The following SERPINB8 variants were observed in gnomAD, a reference collection of about 807,000 sequenced individuals.
The protein encoded by SERPINB8 is serpin B8.
SERPINB8 carries 25 observed loss-of-function variants against 35.3 expected under a neutral mutation model. The observed-to-expected ratio is 0.71, with a 90% CI of 0.52 to 0.99. The LOEUF is 0.99. Among genes scored for constraint, SERPINB8 ranks in the 50% least tolerant of loss-of-function variants. The pLI is 0.00. For missense variants in SERPINB8, 484 were observed against 446.5 expected (o/e 1.08, Z -0.76); for synonymous variants, 186 against 160.8 (o/e 1.16, Z -1.19).
At chr18:64,003,888 A>G (rs1366569132) in intron 1 of SERPINB8, among the ~76,000 whole-genome samples, 2 of 152,190 alleles carry the variant, frequency 1.3e-5, no homozygotes, top group Non-Finnish European at 2.9e-5. Context: ...CTCACCCAGA[A>G]ACACCCTCAC....
chr18:64,017,673 G>A (rs1416504696), intron 7 of SERPINB8, among the ~76,000 whole-genome samples: 1 of 152,086 alleles, frequency 6.6e-6, no homozygotes, highest in Admixed American at 6.6e-5. Flanking sequence ...CACCTAATAA[G>A]GAGCAAAGAA....
intron 7 of SERPINB8, among the ~76,000 whole-genome samples, chr18:64,017,108 A>G (rs1021328679): frequency 6.6e-6 from 1 of 152,074 alleles, no homozygotes; most frequent in Non-Finnish European, 1.5e-5. Flanking sequence ...TCCTGAACCT[A>G]TTCTTTAAAT....
At chr18:63,975,586 C>T (rs2050568705) in intron 1 of SERPINB8, among the ~76,000 whole-genome samples, 1 of 152,130 alleles carries the variant, frequency 6.6e-6, no homozygotes. Flanking sequence ...TGAACCCTAA[C>T]CATAACCCTA....
Position 63,987,393 on chromosome 18 carries a change from T to C in SERPINB8, c.*115T>C. 2.8e-6 allele frequency: 3 copies of C among 1,058,504 alleles called. No individual in the cohort carries two copies. Among genetic ancestry groups the C allele is most frequent in the Non-Finnish European group, 4.1e-6 (3 of 727,278 alleles). The allele number at this position is 1,058,504 out of a possible 1,614,324, so 65.6% of individuals were successfully genotyped here. A position where few individuals can be genotyped will look rare whatever the true frequency, so the allele number is the denominator to read the frequency against. On this transcript the variant is annotated 3_prime_UTR_variant, in exon 7 of 7. Coordinates refer to ENST00000397985, the MANE Select transcript of SERPINB8 (RefSeq NM_002640.4). ...GAATGCCAAAATAAAGCGTGTGCACTGGATAGTGTGTGAAAGTCTTTGCTG... is the reference window on the plus strand; with the variant it reads ...GAATGCCAAAATAAAGCGTGTGCACCGGATAGTGTGTGAAAGTCTTTGCTG...
chr18:63,986,668 C>G (rs937353712), intron 6 of SERPINB8: 4 of 1,371,032 alleles, frequency 2.9e-6, no homozygotes, highest in Non-Finnish European at 3.8e-6. Context: ...TTTACTAGCT[C>G]TTTTACACTT....
At chr18:63,996,512 CCTTTAA>C (rs1232676473) in intron 1 of SERPINB8, among the ~76,000 whole-genome samples, 14 of 152,188 alleles carry the variant, frequency 9.2e-5, no homozygotes, top group Non-Finnish European at 2.1e-4. Flanking sequence ...TTGCAATCCA[CCTTTAA>C]TGTCCTTTCA....
rs953297532 is a variant in SERPINB8 at position 64,005,475 on chromosome 18, G to A, written c.*597G>A. 9 of 152,106 alleles carry A rather than the reference G, an allele frequency of 5.9e-5. No homozygotes were observed. The South Asian group carries it at 8.3e-4, about 14-fold the overall frequency. 9.4% of individuals were successfully genotyped at this position (152,106 alleles called of 1,614,324 possible). On this transcript the variant is annotated 3_prime_UTR_variant, in exon 2 of 2. Transcript: ENST00000493661. ...CCTGAGGAAAAAGCCCTCATAAATG[G>A]GATTGATGTCCTCATAAAAGGGGCC... is the stretch of plus-strand genomic sequence containing the variant.
chr18:63,989,757 A>C (rs1030300360), downstream of SERPINB8, among the ~76,000 whole-genome samples: 1 of 151,610 alleles, frequency 6.6e-6, no homozygotes, highest in Non-Finnish European at 1.5e-5. Flanking sequence ...TCCCGGCTAA[A>C]ACGGTGAAAC....
intron 1 of SERPINB8, among the ~76,000 whole-genome samples, chr18:63,974,511 A>G (rs890562162): frequency 6.6e-6 from 1 of 152,176 alleles, no homozygotes; most frequent in Non-Finnish European, 1.5e-5. Flanking sequence ...TGTGGACAGT[A>G]TTTAATTGCC....
At chr18:63,974,836 A>G (rs1485519760) in intron 1 of SERPINB8, among the ~76,000 whole-genome samples, 1 of 152,108 alleles carries the variant, frequency 6.6e-6, no homozygotes, top group Non-Finnish European at 1.5e-5. Flanking sequence ...GCAGAGGCCA[A>G]GGGGGTGCAC....
Position 63,987,327 on chromosome 18 carries a change from CT to C in SERPINB8, c.*51del. On this transcript the variant is annotated 3_prime_UTR_variant, in exon 7 of 7. Coordinates refer to ENST00000397985, the MANE Select transcript of SERPINB8 (RefSeq NM_002640.4). The stretch of plus-strand genomic sequence containing the variant: ...CCTCCTTTCCTTCTACCTATCTTGC[CT>C]TAATTAACATTCCCTGTGACCTAGT... The C allele has an allele frequency of 6.5e-7, 1 of 1,545,536 alleles. No individual in the cohort carries two copies. Among genetic ancestry groups the C allele is most frequent in the Non-Finnish European group, 8.7e-7 (1 of 1,142,974 alleles).
At chr18:63,993,239 TAA>T (rs2144834683), downstream of SERPINB8, among the ~76,000 whole-genome samples, 1 of 152,344 alleles carries the variant, frequency 6.6e-6, no homozygotes, top group African/African-American at 2.4e-5. Context: ...GTGGCATCAA[TAA>T]ATTTTGATAT....
chr18:63,986,484 C>T lies in SERPINB8; in HGVS notation c.721-390C>T, dbSNP rs193200754. The T allele has an allele frequency of 1.3e-4, 175 of 1,365,436 alleles. No individual in the cohort carries two copies. The African/African-American group carries it at 2.2e-3, about 17-fold the overall frequency. The allele number at this position is 1,365,436 out of a possible 1,614,324, so 84.6% of individuals were successfully genotyped here. ...TTAGACTCAGAAGCAGAGTTCTGAG[C>T]CATGCTCTTTGTCTTTTGTCAAACA... On this transcript the variant is annotated intron_variant, in intron 6 of 6. Coordinates refer to ENST00000397985, the MANE Select transcript of SERPINB8 (RefSeq NM_002640.4).
chr18:64,011,326 G>T (rs2050925013), intron 7 of SERPINB8, among the ~76,000 whole-genome samples: 1 of 151,972 alleles, frequency 6.6e-6, no homozygotes, highest in Non-Finnish European at 1.5e-5. Context: ...AGACTTCAAT[G>T]AAATAAATAA....
chr18:64,008,633 G>A (rs142070799), downstream of SERPINB8, among the ~76,000 whole-genome samples: 3,610 of 152,016 alleles, frequency 0.024, 64 homozygotes, highest in Middle Eastern at 0.078. Context: ...AAACAAAACC[G>A]TATTCCTAGA....
At chr18:63,980,236 C>T (rs774544756) in intron 3 of SERPINB8, among the ~76,000 whole-genome samples, 10 of 152,158 alleles carry the variant, frequency 6.6e-5, no homozygotes, top group African/African-American at 1.7e-4. Flanking sequence ...GAGCTCCTCC[C>T]CAGTCCCAAG....
intron 1 of SERPINB8, among the ~76,000 whole-genome samples, chr18:63,976,311 A>G (rs1440522852): frequency 6.6e-6 from 1 of 152,232 alleles, no homozygotes; most frequent in African/African-American, 2.4e-5. Context: ...CCACGTTTTT[A>G]TAGGGTTTAA....
At chr18:64,002,725 G>A (rs1053778306) in intron 1 of SERPINB8, among the ~76,000 whole-genome samples, 7 of 151,898 alleles carry the variant, frequency 4.6e-5, no homozygotes, top group Non-Finnish European at 8.8e-5. Flanking sequence ...GGGAAGGGGC[G>A]TCGGCCGACC....
At chr18:63,982,310 T>G (rs2050685132) in intron 4 of SERPINB8, among the ~76,000 whole-genome samples, 1 of 152,182 alleles carries the variant, frequency 6.6e-6, no homozygotes, top group Non-Finnish European at 1.5e-5. Context: ...AGTGTGGCCT[T>G]TTCTGAATTT....
Sources: gnomAD v4.1 joint callset for allele counts (sites outside exome capture counted in the v4.1 genomes callset) on GRCh38, gnomAD v4.1.1 for gene constraint, MANE v1.5 for transcripts, NCBI Gene and HGNC (gene_info 2026-07-23, HGNC 2026-07-21) for gene names.